PLXDC1: variants seen among roughly 807,000 people sequenced by gnomAD.
The protein encoded by PLXDC1 is plexin domain containing 1, also known as plexin domain-containing protein 1.
A neutral mutation model predicts 61.3 loss-of-function variants in PLXDC1; 39 were observed. That is an observed-to-expected ratio of 0.64 (90% CI 0.49 to 0.83). The LOEUF is 0.83. Ranked by LOEUF, PLXDC1 falls within the 40% of genes least tolerant of loss-of-function variation. The pLI, the probability that PLXDC1 is intolerant of heterozygous loss-of-function variation, is 0.00. For synonymous variants in PLXDC1, 212 were observed against 254.5 expected (o/e 0.83, Z 1.59); for missense variants, 596 against 666.5 (o/e 0.89, Z 1.17).
intron 1 of PLXDC1, among the ~76,000 whole-genome samples, chr17:39,147,813 T>C (rs975552521): frequency 2.0e-5 from 3 of 152,184 alleles, no homozygotes; most frequent in Non-Finnish European, 4.4e-5. Context: ...TACACTTTTA[T>C]TGAGTCGCAG....
chr17:39,097,352 T>C (rs1458887705), intron 7 of PLXDC1, among the ~76,000 whole-genome samples: 1 of 152,188 alleles, frequency 6.6e-6, no homozygotes, highest in Non-Finnish European at 1.5e-5. Context: ...TGAACTTCTG[T>C]TTCCTTTAAG....
intron 7 of PLXDC1, among the ~76,000 whole-genome samples, chr17:39,101,355 C>T (rs888386178): frequency 1.2e-4 from 19 of 152,188 alleles, no homozygotes; most frequent in African/African-American, 4.6e-4. Flanking sequence ...GGCTTTATAT[C>T]CAAGTCTAGG....
intron 11 of PLXDC1, among the ~76,000 whole-genome samples, chr17:39,074,318 A>T (rs1909242049): frequency 6.6e-6 from 1 of 152,172 alleles, no homozygotes; most frequent in South Asian, 2.1e-4. Context: ...AGCCTAGGTA[A>T]CATAGCAAGA....
chr17:39,114,878 C>T (rs1374864836), intron 2 of PLXDC1, among the ~76,000 whole-genome samples: 1 of 152,206 alleles, frequency 6.6e-6, no homozygotes, highest in Non-Finnish European at 1.5e-5. Context: ...CCCCGCACAG[C>T]GAGAGCTTTC....
intron 1 of PLXDC1, among the ~76,000 whole-genome samples, chr17:39,142,714 C>T (rs1911973742): frequency 6.6e-6 from 1 of 152,122 alleles, no homozygotes; most frequent in East Asian, 1.9e-4. Flanking sequence ...TTGTATTTTT[C>T]GTAGAGGCTG....
In PLXDC1 at chr17:39,063,999, A is replaced by C. The variant is rs951785487; in HGVS notation, c.*3841T>G. On this transcript the variant is annotated 3_prime_UTR_variant, in exon 14 of 14. Transcript: ENST00000315392. ...TGGCTGGCAGCTCTTGTCATTGTTT[A>C]TCTCTCAATTTAACAAACCAAGCTG... is the stretch of plus-strand genomic sequence containing the variant. 1 of 155,972 alleles carries C rather than the reference A, an allele frequency of 6.4e-6. No individual in the cohort carries two copies. The highest frequency in any genetic ancestry group is 2.4e-5 in the African/African-American group (1 of 41,410). 9.7% of individuals were successfully genotyped at this position (155,972 alleles called of 1,614,324 possible). A position where few individuals can be genotyped will look rare whatever the true frequency, so the allele number is the denominator to read the frequency against.
At chr17:39,120,633 C>A (rs1911132515) in intron 2 of PLXDC1, among the ~76,000 whole-genome samples, 1 of 125,600 alleles carries the variant, frequency 8.0e-6, no homozygotes. Flanking sequence ...GAGACAGGGT[C>A]TCACTCTCTT....
At chr17:39,134,436 G>T (rs1911669717) in intron 2 of PLXDC1, among the ~76,000 whole-genome samples, 2 of 150,938 alleles carry the variant, frequency 1.3e-5, no homozygotes, top group South Asian at 4.2e-4. Context: ...GACCAGCCTG[G>T]GCAACACAGT....
chr17:39,106,869 C>T (rs927733868), intron 6 of PLXDC1, among the ~76,000 whole-genome samples: 3 of 151,784 alleles, frequency 2.0e-5, no homozygotes, highest in African/African-American at 7.3e-5. Context: ...CCAGGCTGGT[C>T]TCGAACTCCT....
At chr17:39,070,079 G>A in intron 12 of PLXDC1, 63 bp from the exon 13 acceptor site, 1 of 1,303,254 alleles carries the variant, frequency 7.7e-7, no homozygotes, top group Non-Finnish European at 1.1e-6. Flanking sequence ...GAACCATGGG[G>A]TCTTGGGTTC....
chr17:39,116,094 G>A (rs913305791), intron 2 of PLXDC1, among the ~76,000 whole-genome samples: 1 of 152,098 alleles, frequency 6.6e-6, no homozygotes, highest in Non-Finnish European at 1.5e-5. Flanking sequence ...CTCCAGCCTG[G>A]GTGACACAGT....
At chr17:39,083,789 G>A (rs527287198) in intron 8 of PLXDC1, among the ~76,000 whole-genome samples, 70 of 151,940 alleles carry the variant, frequency 4.6e-4, no homozygotes, top group African/African-American at 1.6e-3. Context: ...CTATAGCCTC[G>A]AACTTCTGGG....
Position 39,107,475 on chromosome 17 carries a change from C to T in PLXDC1, c.643G>A (p.Asp215Asn), listed in dbSNP as rs772805966. ...WDHVYLQGWE[D>N]KGSFTFQAAL... Reference sequence around the variant, plus strand: ...GCCTGGAAGGTGAAACTGCCCTTGTCTTCCCAGCCTTGGAGATAAACGTGG... The same window carrying T: ...GCCTGGAAGGTGAAACTGCCCTTGTTTTCCCAGCCTTGGAGATAAACGTGG... The change falls in exon 6 of 14, where the codon GAC becomes AAC. Residue 215 changes from aspartate (D) to asparagine (N), a missense_variant. Coordinates refer to ENST00000315392, the MANE Select transcript of PLXDC1 (RefSeq NM_020405.5). 6.2e-6 allele frequency: 10 copies of T among 1,614,038 alleles called. No homozygotes were observed. In the African/African-American group the frequency reaches 1.1e-4, roughly 17 times the overall value.
chr17:39,080,116 A>G (rs1298328123), intron 9 of PLXDC1: 2 of 154,110 alleles, frequency 1.3e-5, no homozygotes, highest in Admixed American at 6.4e-5. Context: ...GCTGAGAACT[A>G]AAGTTTCTTT....
rs1247727053 is a variant in PLXDC1 at position 39,124,534 on chromosome 17, A to C, written c.255+15120T>G. On this transcript the variant is annotated intron_variant, in intron 2 of 13. Transcript: ENST00000315392. ...CTGGAGCCCAGGAGGTCAAGGCTGC[A>C]GTGAACTATGTTCACGCCACTGTGT... Among the ~76,000 whole-genome samples, 3 of 152,224 alleles carry C rather than the reference A, an allele frequency of 2.0e-5. No homozygotes were observed. The South Asian group carries it at 6.2e-4, about 32-fold the overall frequency.
intron 7 of PLXDC1, among the ~76,000 whole-genome samples, chr17:39,105,283 A>G (rs1045872672): frequency 6.6e-6 from 1 of 152,108 alleles, no homozygotes; most frequent in Non-Finnish European, 1.5e-5. Context: ...TGAGCACGCA[A>G]TGGGGGTCGG....
Position 39,107,464 on chromosome 17 carries a change from A to G in PLXDC1, c.654T>C (p.Ser218=). Residue 218 remains serine (S), a synonymous_variant, in exon 6 of 14, where the codon AGT becomes AGC. Coordinates refer to ENST00000315392, the MANE Select transcript of PLXDC1 (RefSeq NM_020405.5). The stretch of plus-strand genomic sequence containing the variant: ...GGTGCAGAGCTGCCTGGAAGGTGAA[A>G]CTGCCCTTGTCTTCCCAGCCTTGGA... ...VYLQGWEDKG[S]FTFQAALHHD... The G allele has an allele frequency of 6.2e-7, 1 of 1,614,080 alleles. No individual in the cohort carries two copies. The highest frequency in any genetic ancestry group is 8.5e-7 in the Non-Finnish European group (1 of 1,179,994).
In PLXDC1 at chr17:39,063,580, A is replaced by T; in HGVS notation, c.*4260T>A. On this transcript the variant is annotated 3_prime_UTR_variant, in exon 14 of 14. Coordinates refer to ENST00000315392, the MANE Select transcript of PLXDC1 (RefSeq NM_020405.5). The stretch of plus-strand genomic sequence containing the variant: ...GGTGATCTTCGGAATGCCACTCCAA[A>T]TCCTTTGCACTTTCTTTTGCACACA... 1 of 687,836 alleles carries T rather than the reference A, an allele frequency of 1.5e-6. No individual in the cohort carries two copies. Among genetic ancestry groups the T allele is most frequent in the Non-Finnish European group, 2.6e-6 (1 of 379,448 alleles). 42.6% of individuals were successfully genotyped at this position (687,836 alleles called of 1,614,324 possible).
At chr17:39,073,889 G>T (rs138359360) in intron 11 of PLXDC1, among the ~76,000 whole-genome samples, 57 of 152,300 alleles carry the variant, frequency 3.7e-4, no homozygotes, top group African/African-American at 1.3e-3. Context: ...CCACTCAGAG[G>T]TCATCTGGTT....
Sources: gnomAD v4.1 joint callset for allele counts (sites outside exome capture counted in the v4.1 genomes callset) on GRCh38, gnomAD v4.1.1 for gene constraint, MANE v1.5 for transcripts, NCBI Gene and HGNC (gene_info 2026-07-23, HGNC 2026-07-21) for gene names.